Variants in SEPTIN9 observed in about 807,000 individuals in gnomAD.
The protein encoded by SEPTIN9 is septin-9.
SEPTIN9 carries 13 observed loss-of-function variants against 56.6 expected under a neutral mutation model. That is an observed-to-expected ratio of 0.23 (90% CI 0.15 to 0.37). SEPTIN9 has a LOEUF of 0.37. SEPTIN9 is among the 10% of genes least tolerant of loss of function. The pLI, the probability that SEPTIN9 is intolerant of heterozygous loss-of-function variation, is 1.00. For synonymous variants in SEPTIN9, 332 were observed against 334.1 expected (o/e 0.99, Z 0.07); for missense variants, 650 against 823.1 (o/e 0.79, Z 2.57).
rs759092731 is a variant in SEPTIN9 at position 77,429,188 on chromosome 17, C to G, written c.721+26485C>G. 2.1e-6 allele frequency: 1 copy of G among 471,878 alleles called. No individual in the cohort carries two copies. The highest frequency in any genetic ancestry group is 2.0e-5 in the African/African-American group (1 of 50,078). The allele number at this position is 471,878 out of a possible 1,614,324, so 29.2% of individuals were successfully genotyped here. On this transcript the variant is annotated intron_variant, in intron 3 of 11. Coordinates refer to ENST00000427177, the MANE Select transcript of SEPTIN9 (RefSeq NM_001113491.2). This position sits in a 1 kb window ranked among gnomAD's most constrained non-coding sequence, Gnocchi z 5.2. ...CTGAGGCCAAGACCAAGGCTGAGGC[C>G]GAGGCTGAGGCTGAGGCCACCTTGG...
At chr17:77,349,972 A>C (rs766869530) in intron 2 of SEPTIN9, among the ~76,000 whole-genome samples, 3 of 152,278 alleles carry the variant, frequency 2.0e-5, no homozygotes, top group Middle Eastern at 3.4e-3. Flanking sequence ...TCATTAGTAC[A>C]GTCCAGAAAA....
At chr17:77,457,084 C>T (rs1161179265) in intron 3 of SEPTIN9, among the ~76,000 whole-genome samples, 2 of 152,236 alleles carry the variant, frequency 1.3e-5, no homozygotes, top group Non-Finnish European at 2.9e-5. Flanking sequence ...TGGGTCCAGC[C>T]TTTGCCCCCG....
intron 2 of SEPTIN9, among the ~76,000 whole-genome samples, chr17:77,324,967 C>T (rs990079166): frequency 4.6e-5 from 7 of 151,780 alleles, no homozygotes; most frequent in Admixed American, 4.6e-4. Context: ...TACAGGCACC[C>T]GCCACCACAC....
chr17:77,358,918 G>A (rs938751005), intron 2 of SEPTIN9, among the ~76,000 whole-genome samples: 1 of 152,120 alleles, frequency 6.6e-6, no homozygotes, highest in South Asian at 2.1e-4. Context: ...CCCAGTCCAA[G>A]TGTCAGTCGT....
chr17:77,364,752 T>G (rs1210060378), intron 2 of SEPTIN9, among the ~76,000 whole-genome samples: 1 of 152,200 alleles, frequency 6.6e-6, no homozygotes, highest in Non-Finnish European at 1.5e-5. Context: ...ATACTCTGGA[T>G]TTGCCCTCTG....
intron 2 of SEPTIN9, among the ~76,000 whole-genome samples, chr17:77,338,788 G>A (rs913122922): frequency 6.6e-6 from 1 of 152,166 alleles, no homozygotes; most frequent in Non-Finnish European, 1.5e-5. Flanking sequence ...TCTGTGGCAC[G>A]CATTATGTTT....
chr17:77,302,194 G>A (rs1050845264), intron 1 of SEPTIN9, among the ~76,000 whole-genome samples: 3 of 152,238 alleles, frequency 2.0e-5, no homozygotes, highest in Non-Finnish European at 2.9e-5. Flanking sequence ...ATAGCTGGGC[G>A]TGGTGGCTTG....
At chr17:77,356,157 T>G (rs1293477421) in intron 2 of SEPTIN9, among the ~76,000 whole-genome samples, 1 of 151,894 alleles carries the variant, frequency 6.6e-6, no homozygotes, top group African/African-American at 2.4e-5. Context: ...GAAAGTCACG[T>G]TTGGAAGAGG....
rs1353947058 is a variant in SEPTIN9, at chr17:77,317,724, AC to A, written c.76+10529del. Reference sequence around the variant, plus strand: ...CTTGTGGCCGGGTGCAGTGGCTCACACCTGTAATCCCAGAGTGAAACTCTGT... The same window carrying A: ...CTTGTGGCCGGGTGCAGTGGCTCACACTGTAATCCCAGAGTGAAACTCTGT... On this transcript the variant is annotated intron_variant, in intron 2 of 11. Transcript: ENST00000427177. This position sits in a 1 kb window ranked among gnomAD's most constrained non-coding sequence, Gnocchi z 4.2. Among the ~76,000 whole-genome samples the A allele has an allele frequency of 2.6e-5, 4 of 152,168 alleles. No individual in the cohort carries two copies. The highest frequency in any genetic ancestry group is 5.9e-5 in the Non-Finnish European group (4 of 68,024).
chr17:77,366,029 C>T (rs138466989), intron 2 of SEPTIN9, among the ~76,000 whole-genome samples: 575 of 152,182 alleles, frequency 3.8e-3, no homozygotes, highest in Non-Finnish European at 6.5e-3. Context: ...ACCAAGGGCC[C>T]CAGGGACAGC....
intron 10 of SEPTIN9, among the ~76,000 whole-genome samples, chr17:77,495,387 C>T (rs554032966): frequency 3.3e-5 from 5 of 152,310 alleles, no homozygotes; most frequent in South Asian, 2.1e-4. Flanking sequence ...ACCTGACACC[C>T]GGACTAGTAA....
intron 3 of SEPTIN9, chr17:77,472,789 T>C (rs780166903): frequency 3.9e-5 from 6 of 152,254 alleles, no homozygotes; most frequent in Admixed American, 6.5e-5. Flanking sequence ...AGACGCTTCC[T>C]GTCCCATACA....
chr17:77,457,288 C>G (rs1480915238), intron 3 of SEPTIN9, among the ~76,000 whole-genome samples: 1 of 152,144 alleles, frequency 6.6e-6, no homozygotes, highest in East Asian at 1.9e-4. Flanking sequence ...AGCTCCTGGT[C>G]ATGCCTCAGG....
At chr17:77,289,052 C>T (rs1007161445) in intron 1 of SEPTIN9, among the ~76,000 whole-genome samples, 6 of 152,216 alleles carry the variant, frequency 3.9e-5, no homozygotes, top group South Asian at 4.1e-4. Context: ...CTTTAACTGC[C>T]GGGACTTTGT....
chr17:77,448,467 C>T (rs1246855370), intron 3 of SEPTIN9, among the ~76,000 whole-genome samples: 1 of 150,718 alleles, frequency 6.6e-6, no homozygotes, highest in African/African-American at 2.4e-5. Flanking sequence ...CAGAGCAAGA[C>T]TCTGTTCCCC....
intron 1 of SEPTIN9, among the ~76,000 whole-genome samples, chr17:77,298,750 C>T (rs2031918764): frequency 6.6e-6 from 1 of 152,218 alleles, no homozygotes; most frequent in South Asian, 2.1e-4. Flanking sequence ...CCTGGCCTCT[C>T]TCACTTTGGG....
rs1286320935 is a variant in SEPTIN9 at position 77,330,517 on chromosome 17, T to C, written c.76+23320T>C. Reference sequence around the variant, plus strand: ...GGCTCTCGGGCAGCCTTTCCTGGATTCTTCCTCCGTTCTCCCCTGGGCAGT... The same window carrying C: ...GGCTCTCGGGCAGCCTTTCCTGGATCCTTCCTCCGTTCTCCCCTGGGCAGT... On this transcript the variant is annotated intron_variant, in intron 2 of 11. Coordinates refer to ENST00000427177, the MANE Select transcript of SEPTIN9 (RefSeq NM_001113491.2). The surrounding 1 kb of genome is among the most constrained non-coding windows in gnomAD (Gnocchi z 4.4). 6.6e-6 allele frequency among the ~76,000 whole-genome samples: 1 copy of C among 152,200 alleles called. No individual in the cohort carries two copies. The highest frequency in any genetic ancestry group is 1.5e-5 in the Non-Finnish European group (1 of 68,032).
chr17:77,404,244 A>T (rs1351746880), intron 3 of SEPTIN9, among the ~76,000 whole-genome samples: 1 of 151,774 alleles, frequency 6.6e-6, no homozygotes, highest in East Asian at 1.9e-4. Context: ...ATCTTCTTTG[A>T]CTTTTCTTTG....
intron 2 of SEPTIN9, chr17:77,320,351 A>T: frequency 6.2e-7 from 1 of 1,612,488 alleles, no homozygotes; most frequent in Non-Finnish European, 8.5e-7. Flanking sequence ...GATCTCAGGT[A>T]CGCAGACAGC....
Sources: allele counts gnomAD v4.1 joint callset (sites outside exome capture counted in the v4.1 genomes callset), GRCh38; gene constraint gnomAD v4.1.1; non-coding constraint Gnocchi (gnomAD v3.1); transcripts MANE v1.5; gene names NCBI Gene and HGNC (gene_info 2026-07-23, HGNC 2026-07-21).